Variants in FAT1 observed in about 807,000 individuals in gnomAD.
FAT1 encodes the protein FAT atypical cadherin 1, also known as protocadherin Fat 1.
Under a neutral mutation model 329.8 loss-of-function variants are expected in FAT1, and 171 were observed. The observed-to-expected ratio is 0.52, with a 90% confidence interval of 0.46 to 0.59. The LOEUF (loss-of-function observed/expected upper bound fraction) is 0.59. Among genes scored for constraint, FAT1 ranks in the 20% least tolerant of loss-of-function variants. FAT1 has a pLI of 0.00. For missense variants in FAT1, 5,672 were observed against 5,774.4 expected (o/e 0.98, Z 0.57); for synonymous variants, 2,233 against 2,228.6 (o/e 1.00, Z -0.06).
At chr4:186,698,453 C>T (rs757688902) in intron 2 of FAT1, among the ~76,000 whole-genome samples, 4 of 152,136 alleles carry the variant, frequency 2.6e-5, no homozygotes, top group Non-Finnish European at 4.4e-5. Flanking sequence ...AGAGGAAAGG[C>T]GCGTGTAAAT....
At chr4:186,712,284 A>C (rs544116963) in intron 1 of FAT1, among the ~76,000 whole-genome samples, 5 of 152,234 alleles carry the variant, frequency 3.3e-5, no homozygotes, top group Non-Finnish European at 5.9e-5. Context: ...GCAACTGTTA[A>C]CAGTGGTAAC....
intron 25 of FAT1, 74 bp from the exon 26 acceptor site, chr4:186,595,900 CCATG>C: frequency 6.8e-7 from 1 of 1,466,808 alleles, no homozygotes; most frequent in Non-Finnish European, 9.4e-7. Context: ...CTGAGACACA[CCATG>C]CATTACCCAA....
chr4:186,708,441 A>T lies in FAT1; in HGVS notation c.1387T>A (p.Phe463Ile), dbSNP rs2126696532. 1 of 1,613,920 alleles carries T rather than the reference A, an allele frequency of 6.2e-7. No individual in the cohort carries two copies. ...VLGANSNPPE[F>I]TQTAYKAAFD... The stretch of plus-strand genomic sequence containing the variant: ...GCAGCTTTGTACGCTGTCTGGGTAA[A>T]TTCAGGGGGATTGCTATTTGCACCT... The change falls in exon 2 of 27, where the codon TTT becomes ATT. Residue 463 changes from phenylalanine to isoleucine, a missense_variant. This residue lies in a region of FAT1 where 3,966 missense variants were observed against 3,915.2 expected (regional missense o/e 1.01). Transcript: ENST00000441802.
intron 20 of FAT1, among the ~76,000 whole-genome samples, chr4:186,602,527 C>A (rs1222939772): frequency 6.6e-6 from 1 of 152,146 alleles, no homozygotes; most frequent in African/African-American, 2.4e-5. Context: ...GGTACTGGCT[C>A]GGAACCATAC....
At chr4:186,718,882 C>G (rs78014439) in intron 1 of FAT1, among the ~76,000 whole-genome samples, 9,264 of 152,122 alleles carry the variant, frequency 0.061, 502 homozygotes, top group East Asian at 0.24. Context: ...GTTCCCGCAT[C>G]ACAAGCTAAT....
Position 186,595,682 on chromosome 4 carries a change from G to A in FAT1, c.13138+7C>T, listed in dbSNP as rs1412324001. The A allele has an allele frequency of 2.5e-6, 4 of 1,613,662 alleles. No homozygotes were observed. The highest frequency in any genetic ancestry group is 2.5e-6 in the Non-Finnish European group (3 of 1,179,816). ...AAGCGCAGTGTTGCAGCACACTGCT[G>A]CCTCACCATTGTCATCGCACGATTC... is the stretch of plus-strand genomic sequence containing the variant. On this transcript the variant is annotated splice_region_variant and intron_variant, in intron 26 of 26. Transcript: ENST00000441802.
rs1738920305 is a variant in FAT1, at chr4:186,603,457, G to A, written c.11069C>T (p.Pro3690Leu). The change falls in exon 19 of 27, where the codon CCA (proline) becomes CTA (leucine). Residue 3690 changes from proline to leucine, a missense_variant. Pro to Leu is a moderately conservative substitution (Grantham distance 98, BLOSUM62 -3). Transcript: ENST00000441802. ...IVSLQSSEPH[P>L]HLDVLLFVEK... ...TACAAAAAGTAAGACGTCCAGATGT[G>A]GGTGAGGTTCAGAGGACTGCAAACT... 1 of 1,613,856 alleles carries A rather than the reference G, an allele frequency of 6.2e-7. No individual in the cohort carries two copies. The highest frequency in any genetic ancestry group is 1.3e-5 in the African/African-American group (1 of 74,906).
intron 2 of FAT1, among the ~76,000 whole-genome samples, chr4:186,702,759 T>A (rs187455175): frequency 2.6e-5 from 4 of 152,320 alleles, no homozygotes; most frequent in African/African-American, 9.6e-5. Context: ...CCAGATTTTA[T>A]TCTGCTTAAA....
chr4:186,610,071 C>G (rs145632925), intron 14 of FAT1, 56 bp from the exon 15 acceptor site: 1 of 1,084,890 alleles, frequency 9.2e-7, no homozygotes, highest in Non-Finnish European at 1.4e-6. Context: ...CATTTTCCCA[C>G]TATGACTGAA....
chr4:186,643,172 C>T (rs1254834335), intron 3 of FAT1, among the ~76,000 whole-genome samples: 3 of 152,096 alleles, frequency 2.0e-5, no homozygotes, highest in African/African-American at 7.2e-5. Flanking sequence ...GGTACGGCAG[C>T]CCCCAGGGGC....
Position 186,709,264 on chromosome 4 carries a change from A to G in FAT1, c.564T>C (p.Phe188=), listed in dbSNP as rs747690150. The G allele has an allele frequency of 6.2e-7, 1 of 1,614,026 alleles. No homozygotes were observed. The highest frequency in any genetic ancestry group is 1.1e-5 in the South Asian group (1 of 91,088). ...IGTNGEFYYS[F]KDRTDMFAIH... ...TAGCAAACATATCTGTTCGATCTTTAAAACTGTAGTAAAATTCCCCGTTGG... is the reference window on the plus strand; with the variant it reads ...TAGCAAACATATCTGTTCGATCTTTGAAACTGTAGTAAAATTCCCCGTTGG... Residue 188 remains phenylalanine, a synonymous_variant, in exon 2 of 27, where the codon TTT becomes TTC. Coordinates refer to ENST00000441802, the MANE Select transcript of FAT1 (RefSeq NM_005245.4).
At chr4:186,604,645 T>C (rs1194945703) in intron 17 of FAT1, 71 bp from the exon 18 acceptor site, 1 of 969,162 alleles carries the variant, frequency 1.0e-6, no homozygotes. Flanking sequence ...GACAGACACA[T>C]GAGTTTTCTA....
intron 2 of FAT1, among the ~76,000 whole-genome samples, chr4:186,686,871 T>C (rs1251802010): frequency 2.6e-5 from 4 of 152,184 alleles, no homozygotes; most frequent in African/African-American, 9.7e-5. Context: ...AAAAGAGAAC[T>C]TATATTCTTG....
In FAT1 at chr4:186,614,947, T is replaced by C. The variant is rs532567168; in HGVS notation, c.9076-603A>G. On this transcript the variant is annotated intron_variant, in intron 11 of 26. Coordinates refer to ENST00000441802, the MANE Select transcript of FAT1 (RefSeq NM_005245.4). ...CCTCATGCTCAAACACGGTGAACAC[T>C]TGTTTCCAGTTCCAATTATTTAGAA... Among the ~76,000 whole-genome samples, 15 of 152,324 alleles carry C rather than the reference T, an allele frequency of 9.8e-5. No homozygotes were observed. The South Asian group carries it at 2.7e-3, about 27-fold the overall frequency.
intron 2 of FAT1, among the ~76,000 whole-genome samples, chr4:186,683,735 C>T (rs2126648625): frequency 6.6e-6 from 1 of 152,246 alleles, no homozygotes; most frequent in Non-Finnish European, 1.5e-5. Flanking sequence ...TACACGACTT[C>T]TCCCTGTGGT....
chr4:186,634,305 T>A (rs767737427), intron 6 of FAT1, among the ~76,000 whole-genome samples: 1 of 152,104 alleles, frequency 6.6e-6, no homozygotes, highest in Non-Finnish European at 1.5e-5. Context: ...TACTATAAAC[T>A]ATTTGAAAAG....
Position 186,600,256 on chromosome 4 carries a change from GGCCACTGCGT to G in FAT1, c.11735_11744del (p.His3912ProfsTer4). 2 of 1,613,894 alleles carry G rather than the reference GGCCACTGCGT, an allele frequency of 1.2e-6. No homozygotes were observed. The highest frequency in any genetic ancestry group is 8.5e-7 in the Non-Finnish European group (1 of 1,179,858). ...GAGCATAGTTTCCATTCACTTCCAG[GGCCACTGCGT>G]GCCACTGCCCATCATTGACCTGAAT... On this transcript the variant is annotated frameshift_variant, in exon 22 of 27. Transcript: ENST00000441802. LOFTEE classifies it high-confidence loss of function.
In FAT1 at chr4:186,706,612, G is replaced by A. The variant is rs2126682025; in HGVS notation, c.3216C>T (p.Ser1072=). The A allele has an allele frequency of 6.2e-7, 1 of 1,613,914 alleles. No individual in the cohort carries two copies. ...DARRDGEIRY[S]IRDGSGVGVF... is the part of the protein sequence containing the mutation. ...CACCAACGCCAGAGCCATCTCTAAT[G>A]GAGTATCGGATCTCCCCATCTCTTC... Residue 1072 remains serine (S), a synonymous_variant, in exon 2 of 27, where the codon TCC becomes TCT. Transcript: ENST00000441802.
At position 186,621,582 on chromosome 4, in the gene FAT1, T is replaced by C. The variant is rs35753072; in HGVS notation, c.5004A>G (p.Thr1668=). ...TIADNASPKF[T]SKEYSVELSE... is the part of the protein sequence containing the mutation. ...TAAGTTCAACAGAATATTCTTTTGA[T>C]GTAAACTTCGGAGAGGCGTTGTCAG... Residue 1668 remains threonine, a synonymous_variant, in exon 10 of 27, where the codon ACA becomes ACG. Transcript: ENST00000441802. The C allele has an allele frequency of 0.042, 67,519 of 1,613,974 alleles. 3,112 individuals carry two copies. Among genetic ancestry groups the C allele is most frequent in the Admixed American group, 0.2 (11,968 of 60,018 alleles).
Sources: allele counts gnomAD v4.1 joint callset (sites outside exome capture counted in the v4.1 genomes callset), GRCh38; gene constraint gnomAD v4.1.1; regional missense constraint gnomAD v4.1.1; transcripts MANE v1.5; gene names NCBI Gene and HGNC (gene_info 2026-07-23, HGNC 2026-07-21).